Variants in LRRC69 observed in about 807,000 individuals in gnomAD.
LRRC69 encodes leucine-rich repeat-containing protein 69.
LRRC69 carries 42 observed loss-of-function variants against 37.8 expected under a neutral mutation model. That is an observed-to-expected ratio of 1.11 (90% confidence interval 0.87 to 1.44). The LOEUF (loss-of-function observed/expected upper bound fraction) is 1.44. Among genes scored for constraint, LRRC69 ranks in the 40% most tolerant of loss-of-function variants. The pLI is 0.00. For synonymous variants in LRRC69, 141 were observed against 143.1 expected (o/e 0.99, Z 0.11); for missense variants, 357 against 401.9 (o/e 0.89, Z 0.96).
chr8:91,159,294 G>T (rs1308961209), intron 5 of LRRC69, among the ~76,000 whole-genome samples: 1 of 151,216 alleles, frequency 6.6e-6, no homozygotes, highest in East Asian at 1.9e-4. Flanking sequence ...ATCTGGAACT[G>T]GAGAAAAGCA....
intron 6 of LRRC69, among the ~76,000 whole-genome samples, chr8:91,192,855 A>T (rs868198665): frequency 1.3e-5 from 2 of 150,538 alleles, no homozygotes; most frequent in African/African-American, 2.4e-5. Flanking sequence ...GTTTAATTAG[A>T]TCCCATTTGT....
chr8:91,121,236 G>T (rs1456618059), intron 1 of LRRC69, among the ~76,000 whole-genome samples: 1 of 151,882 alleles, frequency 6.6e-6, no homozygotes, highest in Non-Finnish European at 1.5e-5. Flanking sequence ...TTCACTTCTT[G>T]CTACCCCTGC....
intron 5 of LRRC69, among the ~76,000 whole-genome samples, chr8:91,167,550 A>G (rs376504400): frequency 6.6e-6 from 1 of 152,074 alleles, no homozygotes; most frequent in Non-Finnish European, 1.5e-5. Context: ...TTCAGCACTA[A>G]TATATACAAG....
chr8:91,127,132 C>T lies in LRRC69; in HGVS notation c.355C>T (p.Leu119Phe), dbSNP rs771034370. 4.5e-5 allele frequency: 69 copies of T among 1,548,386 alleles called. 1 individual carries two copies. The Middle Eastern group carries it at 1.0e-3, about 22-fold the overall frequency. The change falls in exon 3 of 8, where the codon CTT becomes TTT. Residue 119 changes from leucine to phenylalanine, a missense_variant. By Grantham distance (22) the Leu-to-Phe change is conservative. Transcript: ENST00000448384. ...CCTGCTTAATCTGAACAACAATCAT[C>T]TTACGCAGCTTCCTCAAGAAGTCAG... is the stretch of plus-strand genomic sequence containing the variant.
chr8:91,154,760 C>T (rs544490778), intron 5 of LRRC69, among the ~76,000 whole-genome samples: 1 of 151,776 alleles, frequency 6.6e-6, no homozygotes, highest in Admixed American at 6.6e-5. Flanking sequence ...AACCCACAGC[C>T]AATATCACAT....
chr8:91,148,711 C>T (rs62526689), intron 5 of LRRC69, among the ~76,000 whole-genome samples: 7,589 of 151,790 alleles, frequency 0.05, 238 homozygotes, highest in African/African-American at 0.076. Flanking sequence ...AGTGTAAAAG[C>T]GTTCCTATTT....
intron 6 of LRRC69, among the ~76,000 whole-genome samples, chr8:91,192,676 G>A (rs200040955): frequency 2.0e-4 from 31 of 152,084 alleles, no homozygotes; most frequent in Non-Finnish European, 3.5e-4. Context: ...GTCCTTTGCC[G>A]AATTTTTGAT....
intron 7 of LRRC69, among the ~76,000 whole-genome samples, chr8:91,215,397 G>A (rs1330940287): frequency 6.6e-6 from 1 of 151,924 alleles, no homozygotes; most frequent in African/African-American, 2.4e-5. Flanking sequence ...TTAAAATATG[G>A]CAGTGATGGT....
chr8:91,172,135 A>G (rs904245636), intron 5 of LRRC69, among the ~76,000 whole-genome samples: 2 of 151,966 alleles, frequency 1.3e-5, no homozygotes, highest in East Asian at 1.9e-4. Context: ...TAGCCTTGAT[A>G]TATGTATATA....
chr8:91,196,293 C>G (rs1809598879), intron 6 of LRRC69, among the ~76,000 whole-genome samples: 1 of 151,682 alleles, frequency 6.6e-6, no homozygotes, highest in African/African-American at 2.4e-5. Flanking sequence ...TCCTTCATTT[C>G]AAGTTTGGTG....
At chr8:91,198,455 G>A (rs1286426258) in intron 6 of LRRC69, among the ~76,000 whole-genome samples, 2 of 152,070 alleles carry the variant, frequency 1.3e-5, no homozygotes, top group African/African-American at 4.8e-5. Flanking sequence ...CATACACATA[G>A]TAACACCTGA....
intron 7 of LRRC69, among the ~76,000 whole-genome samples, chr8:91,201,211 T>C (rs775037806): frequency 8.5e-5 from 13 of 152,212 alleles, no homozygotes; most frequent in Non-Finnish European, 1.9e-4. Flanking sequence ...TAAATACGCA[T>C]GAATGTGCAC....
chr8:91,172,052 C>A (rs527432127), intron 5 of LRRC69, among the ~76,000 whole-genome samples: 1 of 151,878 alleles, frequency 6.6e-6, no homozygotes, highest in African/African-American at 2.4e-5. Context: ...TGTAATGTAT[C>A]TTTTACATTT....
chr8:91,194,988 T>C (rs1809570014), intron 6 of LRRC69, among the ~76,000 whole-genome samples: 1 of 152,226 alleles, frequency 6.6e-6, no homozygotes. Flanking sequence ...TTTATTGCTA[T>C]AAATTTCCCT....
chr8:91,189,539 G>T, exon 6 of LRRC69: 1 of 1,550,608 alleles, frequency 6.4e-7, no homozygotes, highest in Non-Finnish European at 8.7e-7. Flanking sequence ...ATCTGAAGCT[G>T]AGGGAATTCT....
At chr8:91,168,694 A>G (rs1472897753) in intron 5 of LRRC69, among the ~76,000 whole-genome samples, 1 of 151,490 alleles carries the variant, frequency 6.6e-6, no homozygotes, top group Non-Finnish European at 1.5e-5. Context: ...GTTACATGAG[A>G]TAAATGACAC....
chr8:91,110,888 GA>G (rs1813397962), intron 1 of LRRC69, among the ~76,000 whole-genome samples: 1 of 152,058 alleles, frequency 6.6e-6, no homozygotes, highest in Admixed American at 6.6e-5. Context: ...TCATTAGAAG[GA>G]AATAAATAAA....
chr8:91,140,629 TCAATATGTGA>T lies in LRRC69; in HGVS notation c.651+4891_651+4900del, dbSNP rs1808515644. 1.3e-5 allele frequency among the ~76,000 whole-genome samples: 2 copies of T among 151,048 alleles called. 1 individual carries two copies. The highest frequency in any genetic ancestry group is 1.3e-4 in the Admixed American group (2 of 15,090). ...AGCACTTTCCTTAAATGAATATTCT[TCAATATGTGA>T]TTTTTTTTTTTTTTTTTTTTTTTTT... On this transcript the variant is annotated intron_variant, in intron 5 of 7. Coordinates refer to ENST00000448384, the Ensembl canonical transcript of LRRC69.
chr8:91,117,482 G>A (rs73697107), intron 1 of LRRC69, among the ~76,000 whole-genome samples: 3,251 of 151,800 alleles, frequency 0.021, 114 homozygotes, highest in African/African-American at 0.074. Context: ...TTGTCCAGGG[G>A]GCATTGTCCA....
Sources: allele counts gnomAD v4.1 joint callset (sites outside exome capture counted in the v4.1 genomes callset), GRCh38; gene constraint gnomAD v4.1.1; transcripts MANE v1.5; gene names NCBI Gene and HGNC (gene_info 2026-07-23, HGNC 2026-07-21).